Variants in AUH observed in about 807,000 individuals in gnomAD.
The protein encoded by AUH is methylglutaconyl-CoA hydratase, mitochondrial.
In AUH, 29 loss-of-function variants were observed where a neutral mutation model predicts 42.3. The observed-to-expected ratio is 0.69, with a 90% CI of 0.51 to 0.93. The LOEUF is 0.93. Ranked by LOEUF, AUH falls within the 40% of genes least tolerant of loss-of-function variation. The probability of loss-of-function intolerance (pLI) is 0.00; values close to 1 mark genes in which losing one functional copy is unlikely to be tolerated. For synonymous variants in AUH, 174 were observed against 166.4 expected, an observed-to-expected ratio of 1.05 and a Z score of -0.35; for missense variants, 452 against 438.1, an observed-to-expected ratio of 1.03 and a Z score of -0.28.
chr9:91,238,626 C>T (rs1334990251), intron 6 of AUH, among the ~76,000 whole-genome samples: 1 of 152,224 alleles, frequency 6.6e-6, no homozygotes, highest in Non-Finnish European at 1.5e-5. Flanking sequence ...TAAAGATATA[C>T]TTGAAATGTA....
intron 4 of AUH, among the ~76,000 whole-genome samples, chr9:91,320,344 G>C (rs1445556380): frequency 6.6e-6 from 1 of 152,166 alleles, no homozygotes; most frequent in Non-Finnish European, 1.5e-5. Context: ...TAACTTAATA[G>C]GTAGAAAAGA....
chr9:91,301,775 T>C (rs1564080182), intron 4 of AUH, among the ~76,000 whole-genome samples: 2 of 152,114 alleles, frequency 1.3e-5, no homozygotes, highest in African/African-American at 4.8e-5. Flanking sequence ...TTACAATTTG[T>C]AAGAAATACG....
chr9:91,219,394 G>GT (rs1204745318), intron 7 of AUH, among the ~76,000 whole-genome samples: 1 of 152,160 alleles, frequency 6.6e-6, no homozygotes, highest in East Asian at 1.9e-4. Context: ...TTAAGCCAAG[G>GT]TAAGTTATAA....
Position 91,306,523 on chromosome 9 carries a change from C to T in AUH, c.506-8447G>A, listed in dbSNP as rs188825262. 1.7e-5 allele frequency: 4 copies of T among 240,206 alleles called. No homozygotes were observed. The East Asian group carries it at 7.1e-4, about 43-fold the overall frequency. The allele number at this position is 240,206 out of a possible 1,614,324, so 14.9% of individuals were successfully genotyped here. On this transcript the variant is annotated intron_variant, in intron 4 of 9. Transcript: ENST00000375731. The stretch of plus-strand genomic sequence containing the variant: ...TTGCCTTGCTTCATAAACTCTCAGG[C>T]TCTGTAACCTTGTTATTTAGAGTAT...
At chr9:91,306,461 G>A in intron 4 of AUH, 1 of 845,428 alleles carries the variant, frequency 1.2e-6, no homozygotes, top group Non-Finnish European at 1.4e-6. Context: ...ACCATAAGTA[G>A]TTTACTTTCA....
chr9:91,220,675 G>C (rs1422598262), intron 7 of AUH, 130 bp downstream of exon 7: 10 of 879,934 alleles, frequency 1.1e-5, no homozygotes, highest in African/African-American at 3.4e-5. Context: ...TAGTTTTACA[G>C]AGCCCACGCA....
At chr9:91,316,127 T>C (rs2131803077) in intron 4 of AUH, among the ~76,000 whole-genome samples, 1 of 152,340 alleles carries the variant, frequency 6.6e-6, no homozygotes, top group African/African-American at 2.4e-5. Context: ...CTATTAACAA[T>C]GTTAAGTGTC....
intron 3 of AUH, among the ~76,000 whole-genome samples, chr9:91,340,386 A>C (rs944391460): frequency 6.6e-6 from 1 of 152,262 alleles, no homozygotes; most frequent in African/African-American, 2.4e-5. Context: ...TTAATATAAA[A>C]TTTAATGAGT....
At chr9:91,341,275 C>T (rs1007738131) in intron 3 of AUH, among the ~76,000 whole-genome samples, 3 of 152,196 alleles carry the variant, frequency 2.0e-5, no homozygotes, top group Non-Finnish European at 4.4e-5. Context: ...ACCACCTAGG[C>T]TCTCTGACCA....
intron 6 of AUH, among the ~76,000 whole-genome samples, chr9:91,289,421 T>G (rs1249369595): frequency 6.6e-6 from 1 of 152,212 alleles, no homozygotes; most frequent in Non-Finnish European, 1.5e-5. Context: ...GCAGCTACAG[T>G]GGAGCAAGGC....
chr9:91,335,483 T>C (rs532299724), intron 3 of AUH, among the ~76,000 whole-genome samples: 1 of 152,340 alleles, frequency 6.6e-6, no homozygotes, highest in African/African-American at 2.4e-5. Flanking sequence ...TATTTGGCTT[T>C]TCAAAGAAGC....
At chr9:91,275,349 C>T (rs1361480646) in intron 6 of AUH, among the ~76,000 whole-genome samples, 2 of 152,170 alleles carry the variant, frequency 1.3e-5, no homozygotes, top group Non-Finnish European at 2.9e-5. Flanking sequence ...TTTTGAAACA[C>T]TGATGTGATA....
At chr9:91,341,816 A>G (rs1831126400) in intron 3 of AUH, among the ~76,000 whole-genome samples, 1 of 152,232 alleles carries the variant, frequency 6.6e-6, no homozygotes, top group Non-Finnish European at 1.5e-5. Context: ...AGATGAAGCT[A>G]AAATAGAAAA....
intron 6 of AUH, among the ~76,000 whole-genome samples, chr9:91,271,999 T>A (rs1825174094): frequency 1.3e-5 from 2 of 152,144 alleles, no homozygotes; most frequent in African/African-American, 4.8e-5. Flanking sequence ...GCTTCTAATT[T>A]TCTATAATTC....
chr9:91,214,470 CT>C, intron 9 of AUH, 45 bp from the exon 10 acceptor site: 1 of 1,494,932 alleles, frequency 6.7e-7, no homozygotes, highest in Non-Finnish European at 9.1e-7. Flanking sequence ...GTTAAAACAA[CT>C]GTAAAAGTTT....
At chr9:91,270,213 G>C (rs1587734204) in intron 6 of AUH, among the ~76,000 whole-genome samples, 1 of 152,136 alleles carries the variant, frequency 6.6e-6, no homozygotes, top group Admixed American at 6.5e-5. Flanking sequence ...AACATACAGA[G>C]ACCAGAGAGA....
At chr9:91,276,399 TAAG>T (rs1825546678) in intron 6 of AUH, among the ~76,000 whole-genome samples, 1 of 142,134 alleles carries the variant, frequency 7.0e-6, no homozygotes, top group Non-Finnish European at 1.5e-5. Flanking sequence ...GATGACAGAG[TAAG>T]ACCCTGTCTC....
chr9:91,323,143 T>C (rs1357012175), intron 4 of AUH, among the ~76,000 whole-genome samples: 1 of 152,102 alleles, frequency 6.6e-6, no homozygotes, highest in Non-Finnish European at 1.5e-5. Context: ...GAATACTCTA[T>C]GAGGGCCTGA....
At chr9:91,276,952 A>G (rs1050996870) in intron 6 of AUH, among the ~76,000 whole-genome samples, 10 of 152,342 alleles carry the variant, frequency 6.6e-5, no homozygotes, top group Non-Finnish European at 1.0e-4. Flanking sequence ...TGGGAAGCTG[A>G]GGTGGGAAAA....
Sources: gnomAD v4.1 joint callset for allele counts (sites outside exome capture counted in the v4.1 genomes callset) on GRCh38, gnomAD v4.1.1 for gene constraint, MANE v1.5 for transcripts, NCBI Gene and HGNC (gene_info 2026-07-23, HGNC 2026-07-21) for gene names.